The following KCNG2 variants were observed in gnomAD, a reference collection of about 807,000 sequenced individuals.
KCNG2 encodes voltage-gated potassium channel regulatory subunit KCNG2.
KCNG2 carries 7 observed loss-of-function variants against 12.3 expected under a neutral mutation model. That is an observed-to-expected ratio of 0.57 (90% CI 0.32 to 1.07). KCNG2 has a LOEUF of 1.07. Among genes scored for constraint, KCNG2 ranks in the 50% least tolerant of loss-of-function variants. The probability of loss-of-function intolerance (pLI) is 0.04; values close to 1 mark genes in which losing one functional copy is unlikely to be tolerated. For synonymous variants in KCNG2, 414 were observed against 351.4 expected (o/e 1.18, Z -1.99); for missense variants, 703 against 726.0 (o/e 0.97, Z 0.36).
chr18:79,823,000 C>G lies in KCNG2; in HGVS notation c.-115+24986C>G, dbSNP rs1353788129. 6.6e-6 allele frequency among the ~76,000 whole-genome samples: 1 copy of G among 152,160 alleles called. No homozygotes were observed. Among genetic ancestry groups the G allele is most frequent in the African/African-American group, 2.4e-5 (1 of 41,436 alleles). ...TAGGAGTCACTGCCTCTGGAAGGCCCTTCCCACCTCCCTCCATGGGGAGAC... is the reference window on the plus strand; with the variant it reads ...TAGGAGTCACTGCCTCTGGAAGGCCGTTCCCACCTCCCTCCATGGGGAGAC... On this transcript the variant is annotated intron_variant, in intron 1 of 3. Transcript: ENST00000316249. This position sits in a 1 kb window ranked among gnomAD's most constrained non-coding sequence, Gnocchi z 4.4.
chr18:79,879,705 T>C (rs1020739476), intron 3 of KCNG2, among the ~76,000 whole-genome samples: 1 of 152,204 alleles, frequency 6.6e-6, no homozygotes, highest in Non-Finnish European at 1.5e-5. Context: ...AAGGGTGTTA[T>C]GGTTCAGAAT....
chr18:79,828,673 CTA>C (rs1025596619), intron 1 of KCNG2, among the ~76,000 whole-genome samples: 5 of 149,828 alleles, frequency 3.3e-5, no homozygotes, highest in African/African-American at 4.9e-5. Context: ...GTGTGCATGT[CTA>C]TGTGTGCGTG....
At chr18:79,827,841 A>G (rs979640257) in intron 1 of KCNG2, among the ~76,000 whole-genome samples, 4 of 152,202 alleles carry the variant, frequency 2.6e-5, no homozygotes, top group Non-Finnish European at 5.9e-5. Context: ...CAATGTACCA[A>G]TTATAATCCT....
rs1555695256 is a variant in KCNG2 at position 79,873,433 on chromosome 18, C to CA, written c.624+9142_624+9143insA. On this transcript the variant is annotated intron_variant, in intron 3 of 3. Coordinates refer to ENST00000316249, the MANE Select transcript of KCNG2 (RefSeq NM_012283.2). ...CGCTCCTGCCGGCCCCCCTCCCCCC[C>CA]CCCCAGCCACCTCCTGTCAGTCTTC... Among the ~76,000 whole-genome samples the CA allele has an allele frequency of 2.1e-5, 3 of 144,728 alleles. 1 individual carries two copies. In the South Asian group the frequency reaches 7.2e-4, roughly 35 times the overall value. 94.9% of individuals were successfully genotyped at this position (144,728 alleles called of 152,430 possible). A position where few individuals can be genotyped will look rare whatever the true frequency, so the allele number is the denominator to read the frequency against.
At chr18:79,870,263 C>T (rs1355957425) in intron 3 of KCNG2, among the ~76,000 whole-genome samples, 1 of 152,226 alleles carries the variant, frequency 6.6e-6, no homozygotes, top group East Asian at 1.9e-4. Context: ...CTAATGGCTG[C>T]GGAATAATCG....
chr18:79,835,404 G>A (rs773792232), intron 1 of KCNG2, among the ~76,000 whole-genome samples: 6 of 152,198 alleles, frequency 3.9e-5, no homozygotes, highest in South Asian at 2.1e-4. Flanking sequence ...TAAAACAGCC[G>A]TTGTAAAAAT....
chr18:79,865,784 C>T (rs1485180129), intron 3 of KCNG2, among the ~76,000 whole-genome samples: 2 of 114,204 alleles, frequency 1.8e-5, no homozygotes, highest in African/African-American at 6.5e-5. Flanking sequence ...GCTGAGAAGT[C>T]TGGGTGCTGA....
intron 1 of KCNG2, among the ~76,000 whole-genome samples, chr18:79,799,824 G>A (rs2087393453): frequency 6.6e-6 from 1 of 152,042 alleles, no homozygotes; most frequent in African/African-American, 2.4e-5. Context: ...GCGGGTGGCC[G>A]AGCTATGATT....
rs777256661 is a variant in KCNG2 at position 79,864,220 on chromosome 18, TC to T, written c.555del (p.Phe186SerfsTer11). 1 of 1,551,110 alleles carries T rather than the reference TC, an allele frequency of 6.4e-7. No individual in the cohort carries two copies. Among genetic ancestry groups the T allele is most frequent in the Non-Finnish European group, 8.7e-7 (1 of 1,152,808 alleles). Reference sequence around the variant, plus strand: ...CAAGCTCTTCGCCTGCGTGTCCGTGTCCTTCGTGGCCGTCACGGCCGTGGGC... The same window carrying T: ...CAAGCTCTTCGCCTGCGTGTCCGTGTCTTCGTGGCCGTCACGGCCGTGGGC... ...AGKLFACVSV[S>X]FVAVTAVGLC... is the part of the protein sequence containing the mutation. On this transcript the variant is annotated frameshift_variant, in exon 3 of 4. Coordinates refer to ENST00000316249, the MANE Select transcript of KCNG2 (RefSeq NM_012283.2). LOFTEE classifies it high-confidence loss of function.
At chr18:79,882,671 G>T (rs574632289) in intron 3 of KCNG2, among the ~76,000 whole-genome samples, 74 of 152,388 alleles carry the variant, frequency 4.9e-4, no homozygotes, top group Non-Finnish European at 8.7e-4. Context: ...AGAGCAGCAA[G>T]CTCAAAGGAG....
At chr18:79,869,178 G>A (rs1390723985) in intron 3 of KCNG2, among the ~76,000 whole-genome samples, 10 of 152,272 alleles carry the variant, frequency 6.6e-5, no homozygotes, top group South Asian at 2.1e-4. Flanking sequence ...GGAGAATGAG[G>A]GAAGCCCAGG....
At chr18:79,805,424 A>G (rs2087441869) in intron 1 of KCNG2, among the ~76,000 whole-genome samples, 1 of 152,236 alleles carries the variant, frequency 6.6e-6, no homozygotes, top group Admixed American at 6.5e-5. Flanking sequence ...AGCTTCCTCC[A>G]GACTTGGGCC....
At position 79,847,491 on chromosome 18, in the gene KCNG2, C is replaced by T. The variant is rs139738914; in HGVS notation, c.-114-8888C>T. On this transcript the variant is annotated intron_variant, in intron 1 of 3. Coordinates refer to ENST00000316249, the MANE Select transcript of KCNG2 (RefSeq NM_012283.2). ...GCTAAGCGATCTTTACCCGGCAGTG[C>T]GGACCACGCTCCCTGTGGAAGCCTT... Among the ~76,000 whole-genome samples, 57 of 152,328 alleles carry T rather than the reference C, an allele frequency of 3.7e-4. No homozygotes were observed. The East Asian group carries it at 7.9e-3, about 21-fold the overall frequency.
chr18:79,897,542 T>G (rs1981022908), intron 3 of KCNG2, among the ~76,000 whole-genome samples: 1 of 152,246 alleles, frequency 6.6e-6, no homozygotes, highest in Non-Finnish European at 1.5e-5. Flanking sequence ...CAGTTAAATT[T>G]GACATTTGGT....
chr18:79,862,908 G>T (rs1478869840), intron 2 of KCNG2, among the ~76,000 whole-genome samples: 1 of 152,198 alleles, frequency 6.6e-6, no homozygotes, highest in Non-Finnish European at 1.5e-5. Context: ...TTCCAGTGCT[G>T]GTACCGGGAA....
At chr18:79,810,332 C>A (rs1433935928) in intron 1 of KCNG2, among the ~76,000 whole-genome samples, 1 of 152,122 alleles carries the variant, frequency 6.6e-6, no homozygotes, top group African/African-American at 2.4e-5. Flanking sequence ...AGGGGGGAAG[C>A]ACCACGCCTA....
chr18:79,805,991 C>G, intron 1 of KCNG2, among the ~76,000 whole-genome samples: 2 of 151,916 alleles, frequency 1.3e-5, no homozygotes, highest in Admixed American at 1.3e-4. Flanking sequence ...CAGCCAGGCC[C>G]GAGCTTGCAT....
intron 3 of KCNG2, among the ~76,000 whole-genome samples, chr18:79,870,169 C>T (rs943480033): frequency 7.9e-5 from 12 of 152,236 alleles, no homozygotes; most frequent in African/African-American, 2.9e-4. Flanking sequence ...TTCTCCCCAC[C>T]GTCTGCTCCC....
At chr18:79,896,487 A>C (rs1980980728) in intron 3 of KCNG2, among the ~76,000 whole-genome samples, 1 of 152,184 alleles carries the variant, frequency 6.6e-6, no homozygotes. Flanking sequence ...TCATTTCCTT[A>C]GACCATTACA....
Sources: allele counts gnomAD v4.1 joint callset (sites outside exome capture counted in the v4.1 genomes callset), GRCh38; gene constraint gnomAD v4.1.1; non-coding constraint Gnocchi (gnomAD v3.1); transcripts MANE v1.5; gene names NCBI Gene and HGNC (gene_info 2026-07-23, HGNC 2026-07-21).